Variants in PSPC1 observed in about 807,000 individuals in gnomAD.
PSPC1 encodes paraspeckle component 1, also known as paraspeckle protein 1.
PSPC1 carries 14 observed loss-of-function variants against 51.6 expected under a neutral mutation model. The ratio of observed to expected loss-of-function variants is 0.27; its 90% CI spans 0.18 to 0.42. The LOEUF is 0.42. PSPC1 is among the 10% of genes least tolerant of loss of function. The pLI is 1.00. For missense variants in PSPC1, 406 were observed against 701.1 expected (o/e 0.58, Z 4.75); for synonymous variants, 193 against 231.9 (o/e 0.83, Z 1.53).
intron 5 of PSPC1, among the ~76,000 whole-genome samples, chr13:19,731,147 C>T (rs552019142): frequency 6.6e-6 from 1 of 152,110 alleles, no homozygotes; most frequent in East Asian, 1.9e-4. Context: ...TTCATCAACC[C>T]ACTGAAAGAA....
chr13:19,781,845 G>C (rs1169748523), intron 1 of PSPC1, among the ~76,000 whole-genome samples: 1 of 152,212 alleles, frequency 6.6e-6, no homozygotes, highest in Non-Finnish European at 1.5e-5. Flanking sequence ...AGGTGTGGTT[G>C]AAGCCAAGGA....
chr13:19,739,616 G>A (rs1006028733), intron 5 of PSPC1, among the ~76,000 whole-genome samples: 7 of 151,878 alleles, frequency 4.6e-5, no homozygotes, highest in Non-Finnish European at 7.4e-5. Flanking sequence ...GCATGGTGGC[G>A]CAAGCCTGTA....
intron 6 of PSPC1, among the ~76,000 whole-genome samples, chr13:19,682,982 G>A (rs1336176074): frequency 6.6e-6 from 1 of 152,128 alleles, no homozygotes; most frequent in East Asian, 1.9e-4. Flanking sequence ...ACTGGAGGAT[G>A]GTTTATGCCC....
intron 2 of PSPC1, among the ~76,000 whole-genome samples, chr13:19,762,981 T>G (rs921712270): frequency 2.0e-5 from 3 of 152,016 alleles, no homozygotes; most frequent in Admixed American, 1.3e-4. Context: ...GGTACATGCC[T>G]GTAGTCCCAG....
chr13:19,730,148 C>T, intron 6 of PSPC1, 91 bp downstream of exon 6: 2 of 1,003,886 alleles, frequency 2.0e-6, no homozygotes, highest in African/African-American at 1.6e-5. Flanking sequence ...TTAGAAAAGA[C>T]TACTGTATAA....
intron 1 of PSPC1, among the ~76,000 whole-genome samples, chr13:19,774,138 G>A (rs1888872157): frequency 6.6e-6 from 1 of 152,156 alleles, no homozygotes; most frequent in South Asian, 2.1e-4. Context: ...CAAGGTAAGA[G>A]AACTTCCTTC....
At chr13:19,774,825 A>T (rs1404812935) in intron 1 of PSPC1, among the ~76,000 whole-genome samples, 2 of 150,904 alleles carry the variant, frequency 1.3e-5, no homozygotes, top group East Asian at 1.9e-4. Context: ...AAAACAAAAA[A>T]AAAAAAGAAA....
chr13:19,724,836 T>G (rs1303348764), intron 6 of PSPC1, among the ~76,000 whole-genome samples: 1 of 151,964 alleles, frequency 6.6e-6, no homozygotes, highest in Non-Finnish European at 1.5e-5. Context: ...ACATCTCTAC[T>G]AAAAATACAA....
chr13:19,735,941 A>C lies in PSPC1; in HGVS notation c.1053-5597T>G, dbSNP rs1303693917. 6.6e-5 allele frequency among the ~76,000 whole-genome samples: 10 copies of C among 151,702 alleles called. 1 individual carries two copies. In the East Asian group the frequency reaches 1.6e-3, roughly 24 times the overall value. On this transcript the variant is annotated intron_variant, in intron 5 of 8. Coordinates refer to ENST00000338910, the MANE Select transcript of PSPC1 (RefSeq NM_001354909.2). ...GGTTCAAGCCATTCTCCTGCCTCAG[A>C]CTCTGAGTAGCTGGGACTACAGGCG...
chr13:19,722,289 G>A (rs1019907083), intron 6 of PSPC1, among the ~76,000 whole-genome samples: 1 of 151,714 alleles, frequency 6.6e-6, no homozygotes, highest in African/African-American at 2.4e-5. Flanking sequence ...TTTAGCCCAG[G>A]AGTTTGAGAT....
chr13:19,671,849 G>A (rs1344460167), downstream of PSPC1: 1 of 1,614,156 alleles, frequency 6.2e-7, no homozygotes, highest in Admixed American at 1.7e-5. Context: ...GTTGCTAATA[G>A]GTGCATACAG....
intron 3 of PSPC1, among the ~76,000 whole-genome samples, chr13:19,755,251 A>G (rs757229155): frequency 3.9e-5 from 6 of 151,972 alleles, no homozygotes; most frequent in Non-Finnish European, 8.8e-5. Context: ...AAAAAAGAAA[A>G]GAAAAGAAAA....
intron 4 of PSPC1, among the ~76,000 whole-genome samples, chr13:19,745,518 TTCTGA>T (rs1164778212): frequency 6.6e-6 from 1 of 152,196 alleles, no homozygotes; most frequent in Non-Finnish European, 1.5e-5. Context: ...AATGTATAAC[TTCTGA>T]TCTAACAATT....
At chr13:19,717,169 A>T (rs192392647) in intron 6 of PSPC1, among the ~76,000 whole-genome samples, 83 of 152,374 alleles carry the variant, frequency 5.4e-4, no homozygotes, top group African/African-American at 1.9e-3. Context: ...GGGTATTTTT[A>T]AAAACCTCAA....
intron 2 of PSPC1, among the ~76,000 whole-genome samples, chr13:19,768,817 T>C (rs1888326782): frequency 6.6e-6 from 1 of 150,684 alleles, no homozygotes; most frequent in Non-Finnish European, 1.5e-5. Flanking sequence ...TGCGCTAAAC[T>C]AACTAGAATA....
rs1030555825 is a variant in PSPC1 at position 19,744,596 on chromosome 13, G to A, written c.968-2947C>T. ...TTTCTTTTTTTTGAGACAGAGTCTC[G>A]CTTTGTTGCCCAGGCTGGAATGCAA... On this transcript the variant is annotated intron_variant, in intron 4 of 8. Coordinates refer to ENST00000338910, the MANE Select transcript of PSPC1 (RefSeq NM_001354909.2). 4.0e-5 allele frequency among the ~76,000 whole-genome samples: 6 copies of A among 150,096 alleles called. No homozygotes were observed. The East Asian group carries it at 9.8e-4, about 25-fold the overall frequency.
intron 6 of PSPC1, among the ~76,000 whole-genome samples, chr13:19,728,815 A>C (rs1883687527): frequency 2.0e-5 from 3 of 152,196 alleles, no homozygotes; most frequent in South Asian, 2.1e-4. Context: ...TCATTTACAT[A>C]CTATTTGAAA....
chr13:19,759,157 A>T (rs1197155635), intron 3 of PSPC1, among the ~76,000 whole-genome samples, 166 bp downstream of exon 3: 2 of 152,092 alleles, frequency 1.3e-5, no homozygotes, highest in Non-Finnish European at 2.9e-5. Flanking sequence ...CTCAAAAAAA[A>T]CAAAAAGAAA....
intron 5 of PSPC1, among the ~76,000 whole-genome samples, chr13:19,736,648 A>C (rs1369901244): frequency 1.3e-5 from 2 of 152,166 alleles, no homozygotes; most frequent in Non-Finnish European, 2.9e-5. Context: ...GCGCCACTGC[A>C]CTCCAGCCTG....
Sources: allele counts gnomAD v4.1 joint callset (sites outside exome capture counted in the v4.1 genomes callset), GRCh38; gene constraint gnomAD v4.1.1; transcripts MANE v1.5; gene names NCBI Gene and HGNC (gene_info 2026-07-23, HGNC 2026-07-21).